The following SDK1 variants were observed in gnomAD, a reference collection of about 807,000 sequenced individuals.
SDK1 encodes protein sidekick-1.
In SDK1, 157 loss-of-function variants were observed where a neutral mutation model predicts 245.5. The observed-to-expected ratio is 0.64, with a 90% CI of 0.56 to 0.73. The LOEUF is 0.73. Ranked by LOEUF, SDK1 falls within the 30% of genes least tolerant of loss-of-function variation. SDK1 has a pLI of 0.00. For missense variants in SDK1, 3,583 were observed against 3,002.3 expected (o/e 1.19, Z -4.52); for synonymous variants, 1,647 against 1,278.5 (o/e 1.29, Z -6.15).
chr7:3,964,668 A>G (rs1319774279), intron 9 of SDK1, among the ~76,000 whole-genome samples: 1 of 152,200 alleles, frequency 6.6e-6, no homozygotes, highest in Non-Finnish European at 1.5e-5. Context: ...ATGAAGTAGA[A>G]TCTAGTGATT....
At chr7:4,067,233 C>T (rs1175103318) in intron 19 of SDK1, among the ~76,000 whole-genome samples, 1 of 152,210 alleles carries the variant, frequency 6.6e-6, no homozygotes, top group Non-Finnish European at 1.5e-5. Flanking sequence ...CGTAACTCTG[C>T]GGCTCTGCCT....
intron 1 of SDK1, among the ~76,000 whole-genome samples, chr7:3,582,683 T>TAAAAAAAAAAAAAAA (rs71029682): frequency 8.2e-4 from 57 of 69,684 alleles, no homozygotes; most frequent in African/African-American, 2.9e-3. Flanking sequence ...TAAACTAAAG[T>TAAAAAAAAAAAAAAA]AAAAAAAAAA....
At position 3,341,221 on chromosome 7, in the gene SDK1, A is replaced by G. The variant is rs143177058; in HGVS notation, c.298+39337A>G. Among the ~76,000 whole-genome samples the G allele has an allele frequency of 4.5e-3, 685 of 152,332 alleles. 9 individuals carry two copies. The highest frequency in any genetic ancestry group is 0.015 in the African/African-American group (643 of 41,562). ...TGCAAGACTGGTTCAACGTTCGAAA[A>G]TCTATGCCACCCACCATATCAACAG... is the stretch of plus-strand genomic sequence containing the variant. On this transcript the variant is annotated intron_variant, in intron 1 of 44. Transcript: ENST00000404826.
chr7:4,013,888 G>T (rs940386502), intron 16 of SDK1, among the ~76,000 whole-genome samples: 2 of 152,214 alleles, frequency 1.3e-5, no homozygotes, highest in Admixed American at 6.5e-5. Context: ...GTCCCCTCGG[G>T]GTGGGGGCCG....
chr7:3,525,104 T>A (rs1003201975), intron 1 of SDK1, among the ~76,000 whole-genome samples: 1 of 152,134 alleles, frequency 6.6e-6, no homozygotes, highest in Non-Finnish European at 1.5e-5. Context: ...CCAGTGATGA[T>A]TGGAAGTGTA....
At chr7:4,125,605 G>T (rs1172617390) in intron 25 of SDK1, among the ~76,000 whole-genome samples, 1 of 152,202 alleles carries the variant, frequency 6.6e-6, no homozygotes, top group Non-Finnish European at 1.5e-5. Flanking sequence ...AGGTGCATGT[G>T]TGCATCCTGC....
At chr7:3,910,283 A>C (rs1276931630) in intron 5 of SDK1, among the ~76,000 whole-genome samples, 2 of 152,238 alleles carry the variant, frequency 1.3e-5, no homozygotes, top group Non-Finnish European at 2.9e-5. Context: ...CTGTGCTGCC[A>C]CATCACCACA....
chr7:4,130,222 G>GAAACA, intron 27 of SDK1, 125 bp downstream of exon 27: 1 of 1,113,174 alleles, frequency 9.0e-7, no homozygotes, highest in Non-Finnish European at 1.3e-6. Flanking sequence ...GCAGTTGAGG[G>GAAACA]AAACAAAACA....
chr7:3,309,115 G>GTATT lies in SDK1; in HGVS notation c.298+7233_298+7236dup, dbSNP rs201405795. Among the ~76,000 whole-genome samples, 29 of 152,280 alleles carry GTATT rather than the reference G, an allele frequency of 1.9e-4. No individual in the cohort carries two copies. The East Asian group carries it at 5.4e-3, about 28-fold the overall frequency. ...AGGGTGCTGATTTCCACAGGTGGTA[G>GTATT]TATTTGTGAGTCCCTCTCTCTGGTG... On this transcript the variant is annotated intron_variant, in intron 1 of 44. Coordinates refer to ENST00000404826, the MANE Select transcript of SDK1 (RefSeq NM_152744.4).
chr7:3,803,393 C>A (rs1001183687), intron 4 of SDK1, among the ~76,000 whole-genome samples: 2 of 151,606 alleles, frequency 1.3e-5, no homozygotes, highest in South Asian at 2.1e-4. Flanking sequence ...TCACTGCAAC[C>A]TCCACCTCTG....
intron 29 of SDK1, 29 bp from the exon 30 acceptor site, chr7:4,149,233 G>T: frequency 6.8e-7 from 1 of 1,463,678 alleles, no homozygotes. Context: ...CCTCTCACAT[G>T]TCCCTGGTCT....
At chr7:3,319,070 C>T (rs768484492) in intron 1 of SDK1, among the ~76,000 whole-genome samples, 1 of 152,052 alleles carries the variant, frequency 6.6e-6, no homozygotes, top group Non-Finnish European at 1.5e-5. Context: ...CAAAAAACCG[C>T]ATTGTTAAAT....
chr7:4,029,228 T>TTTTTTTTGTGTGTG lies in SDK1; in HGVS notation c.2602+11877_2602+11878insTTTTTTGTGTGTGT, dbSNP rs746967075. The stretch of plus-strand genomic sequence containing the variant: ...TTTTATTCTTTCTTTTTTTTTTTTT[T>TTTTTTTTGTGTGTG]TGTGAAGAAGTCTCACTCTGTCATC... On this transcript the variant is annotated intron_variant, in intron 17 of 44. Coordinates refer to ENST00000404826, the MANE Select transcript of SDK1 (RefSeq NM_152744.4). 3.6e-5 allele frequency among the ~76,000 whole-genome samples: 4 copies of TTTTTTTTGTGTGTG among 112,088 alleles called. 1 individual carries two copies. Among genetic ancestry groups the TTTTTTTTGTGTGTG allele is most frequent in the African/African-American group, 2.0e-4 (4 of 20,080 alleles). 73.5% of individuals were successfully genotyped at this position (112,088 alleles called of 152,430 possible). A position where few individuals can be genotyped will look rare whatever the true frequency, so the allele number is the denominator to read the frequency against.
chr7:3,888,425 C>G (rs955354019), intron 5 of SDK1, among the ~76,000 whole-genome samples: 11 of 152,184 alleles, frequency 7.2e-5, no homozygotes, highest in Non-Finnish European at 1.2e-4. Context: ...AAGGCTTATG[C>G]TGTTATTAGT....
At chr7:3,918,788 G>C (rs1286166238) in intron 5 of SDK1, among the ~76,000 whole-genome samples, 1 of 152,032 alleles carries the variant, frequency 6.6e-6, no homozygotes. Flanking sequence ...CGCTGGACCG[G>C]CGGTTCTACC....
chr7:4,228,895 G>T (rs746995007), intron 40 of SDK1, among the ~76,000 whole-genome samples: 3 of 152,082 alleles, frequency 2.0e-5, no homozygotes, highest in Non-Finnish European at 4.4e-5. Flanking sequence ...AACCAGGCTG[G>T]CTCTTCCGGA....
At position 3,945,510 on chromosome 7, in the gene SDK1, G is replaced by A. The variant is rs192100250; in HGVS notation, c.848-5413G>A. 3.5e-4 allele frequency among the ~76,000 whole-genome samples: 54 copies of A among 152,206 alleles called. 1 individual carries two copies. The East Asian group carries it at 9.5e-3, about 27-fold the overall frequency. ...GTATTTCACCCATGAAACAAGAACAGGATGCAATGAAAAATGAACAGAGGA... is the reference window on the plus strand; with the variant it reads ...GTATTTCACCCATGAAACAAGAACAAGATGCAATGAAAAATGAACAGAGGA... On this transcript the variant is annotated intron_variant, in intron 5 of 44. Transcript: ENST00000404826.
intron 4 of SDK1, among the ~76,000 whole-genome samples, chr7:3,706,347 A>G (rs558275426): frequency 3.9e-5 from 6 of 152,312 alleles, no homozygotes; most frequent in Non-Finnish European, 5.9e-5. Flanking sequence ...ATTGGCACCA[A>G]TTCTTTGAAT....
At chr7:3,700,175 A>G (rs946532725) in intron 4 of SDK1, among the ~76,000 whole-genome samples, 2 of 152,254 alleles carry the variant, frequency 1.3e-5, no homozygotes, top group South Asian at 4.1e-4. Flanking sequence ...ATGTGTTTCT[A>G]TAATACCTAC....
Sources: gnomAD v4.1 joint callset for allele counts (sites outside exome capture counted in the v4.1 genomes callset) on GRCh38, gnomAD v4.1.1 for gene constraint, MANE v1.5 for transcripts, NCBI Gene and HGNC (gene_info 2026-07-23, HGNC 2026-07-21) for gene names.